The following EPHA6 variants were observed in gnomAD, a reference collection of about 807,000 sequenced individuals.
EPHA6 encodes EPH receptor A6, also known as ephrin type-A receptor 6.
In EPHA6, 50 loss-of-function variants were observed where a neutral mutation model predicts 112.0. The ratio of observed to expected loss-of-function variants is 0.45; its 90% CI spans 0.36 to 0.56. EPHA6 has a LOEUF of 0.56. EPHA6 is among the 20% of genes least tolerant of loss of function. The pLI is 0.00. For synonymous variants in EPHA6, 529 were observed against 490.7 expected (o/e 1.08, Z -1.03); for missense variants, 1,280 against 1,417.4 (o/e 0.90, Z 1.56).
chr3:97,307,747 A>T (rs540474916), intron 5 of EPHA6, among the ~76,000 whole-genome samples: 17 of 151,582 alleles, frequency 1.1e-4, no homozygotes, highest in African/African-American at 2.7e-4. Flanking sequence ...CAGACAAAAA[A>T]AAATATATAT....
At chr3:97,240,603 C>T (rs76184561) in intron 4 of EPHA6, among the ~76,000 whole-genome samples, 6,390 of 151,796 alleles carry the variant, frequency 0.042, 467 homozygotes, top group African/African-American at 0.15. Context: ...ATGGGTTTAA[C>T]ATATTTTTAT....
rs2093089168 is a variant in EPHA6 at position 97,555,274 on chromosome 3, G to T, written c.2386+22731G>T. Among the ~76,000 whole-genome samples, 3 of 151,984 alleles carry T rather than the reference G, an allele frequency of 2.0e-5. No individual in the cohort carries two copies. The South Asian group carries it at 6.2e-4, about 32-fold the overall frequency. On this transcript the variant is annotated intron_variant, in intron 11 of 17. Coordinates refer to ENST00000389672, the MANE Select transcript of EPHA6 (RefSeq NM_001080448.3). ...AGGACATGAACTCATCATTTTTATG[G>T]CTGCATAGTATTCCATGGTGTATAT...
At chr3:97,554,504 A>T (rs1429932674) in intron 11 of EPHA6, among the ~76,000 whole-genome samples, 1 of 152,104 alleles carries the variant, frequency 6.6e-6, no homozygotes, top group Non-Finnish European at 1.5e-5. Context: ...TAAGAAAGAA[A>T]CTTGTTTCTT....
chr3:97,105,536 TC>T, intron 3 of EPHA6, among the ~76,000 whole-genome samples: 1 of 152,268 alleles, frequency 6.6e-6, no homozygotes, highest in Admixed American at 6.5e-5. Flanking sequence ...CAATTTCAGT[TC>T]TTTTGCACTT....
chr3:97,081,123 A>G (rs2046707043), intron 3 of EPHA6, among the ~76,000 whole-genome samples: 1 of 151,826 alleles, frequency 6.6e-6, no homozygotes, highest in Non-Finnish European at 1.5e-5. Flanking sequence ...AATTGGCACT[A>G]AAAAGATGTA....
intron 3 of EPHA6, among the ~76,000 whole-genome samples, chr3:97,170,954 T>C (rs1186455253): frequency 6.6e-6 from 1 of 152,148 alleles, no homozygotes; most frequent in African/African-American, 2.4e-5. Flanking sequence ...TTTTGCATAT[T>C]GAATGTGTAT....
chr3:97,353,799 G>A (rs1270228824), intron 5 of EPHA6, among the ~76,000 whole-genome samples: 1 of 152,146 alleles, frequency 6.6e-6, no homozygotes, highest in Non-Finnish European at 1.5e-5. Flanking sequence ...GCCAGGCAAT[G>A]GCACCTGCAG....
chr3:97,754,074 A>C lies in EPHA6; in HGVS notation c.*5373A>C, dbSNP rs1272897485. Among the ~76,000 whole-genome samples, 1 of 150,488 alleles carries C rather than the reference A, an allele frequency of 6.6e-6. No individual in the cohort carries two copies. Among genetic ancestry groups the C allele is most frequent in the African/African-American group, 2.4e-5 (1 of 41,154 alleles). ...GTTTGTATAAAATGTATAAAAAATA[A>C]CATTTATATCTTTTTTTTTTTTTTT... is the stretch of plus-strand genomic sequence containing the variant. On this transcript the variant is annotated 3_prime_UTR_variant, in exon 18 of 18. Transcript: ENST00000389672.
intron 2 of EPHA6, among the ~76,000 whole-genome samples, chr3:96,920,641 T>G (rs1559832039): frequency 6.6e-6 from 1 of 151,646 alleles, no homozygotes; most frequent in African/African-American, 2.4e-5. Context: ...CCTGTAAGGA[T>G]TGTGTGTGTG....
chr3:97,463,374 C>T (rs2090954506), intron 7 of EPHA6, among the ~76,000 whole-genome samples: 4 of 151,998 alleles, frequency 2.6e-5, no homozygotes, highest in Admixed American at 2.6e-4. Flanking sequence ...TCTCTTCTTC[C>T]TAAGAGCATT....
chr3:97,453,966 G>A (rs2090602497), intron 7 of EPHA6, among the ~76,000 whole-genome samples: 2 of 151,604 alleles, frequency 1.3e-5, no homozygotes, highest in Admixed American at 6.6e-5. Context: ...CAAGATATTA[G>A]GTCCCCTCTA....
chr3:97,611,200 A>G (rs961381927), intron 13 of EPHA6, among the ~76,000 whole-genome samples: 1 of 151,818 alleles, frequency 6.6e-6, no homozygotes, highest in Non-Finnish European at 1.5e-5. Context: ...ACATTTAACT[A>G]TGTAGTATGA....
At chr3:97,554,303 A>G (rs1165888469) in intron 11 of EPHA6, among the ~76,000 whole-genome samples, 1 of 152,180 alleles carries the variant, frequency 6.6e-6, no homozygotes, top group African/African-American at 2.4e-5. Context: ...ACCCTTGTTA[A>G]TAATTCAGAG....
Position 97,646,166 on chromosome 3 carries a change from T to C in EPHA6, c.2784+8084T>C. The C allele has an allele frequency of 2.0e-6, 3 of 1,535,494 alleles. No individual in the cohort carries two copies. The South Asian group carries it at 3.6e-5, about 18-fold the overall frequency. ...AGCAATCAGAACTGGTTAAAGAAGATGGTCTGGAAAGCTTGTGTGAGCAGT... is the reference window on the plus strand; with the variant it reads ...AGCAATCAGAACTGGTTAAAGAAGACGGTCTGGAAAGCTTGTGTGAGCAGT... On this transcript the variant is annotated intron_variant, in intron 14 of 17. Transcript: ENST00000389672.
At chr3:97,390,549 A>C (rs1260285784) in intron 5 of EPHA6, among the ~76,000 whole-genome samples, 1 of 151,740 alleles carries the variant, frequency 6.6e-6, no homozygotes, top group Non-Finnish European at 1.5e-5. Flanking sequence ...TCATACACAC[A>C]CATATACATA....
In EPHA6 at chr3:97,343,349, T is replaced by C. The variant is rs376711846; in HGVS notation, c.1607-61801T>C. Among the ~76,000 whole-genome samples, 6 of 152,282 alleles carry C rather than the reference T, an allele frequency of 3.9e-5. No homozygotes were observed. In the East Asian group the frequency reaches 5.8e-4, roughly 15 times the overall value. On this transcript the variant is annotated intron_variant, in intron 5 of 17. Transcript: ENST00000389672. ...GTGAGGGATGAAGTTGGGTGTTTAATTGAGGAGATATCTAATTAAAGTGTT... is the reference window on the plus strand; with the variant it reads ...GTGAGGGATGAAGTTGGGTGTTTAACTGAGGAGATATCTAATTAAAGTGTT...
chr3:96,970,648 G>A (rs1576203880), intron 2 of EPHA6, among the ~76,000 whole-genome samples: 1 of 152,034 alleles, frequency 6.6e-6, no homozygotes, highest in Non-Finnish European at 1.5e-5. Flanking sequence ...AATCCCTGTT[G>A]TGGGAACATC....
intron 3 of EPHA6, among the ~76,000 whole-genome samples, chr3:97,011,222 A>C (rs1305888483): frequency 6.6e-6 from 1 of 152,204 alleles, no homozygotes; most frequent in Non-Finnish European, 1.5e-5. Context: ...GGTTGCATGG[A>C]AACTGTACAG....
chr3:97,152,622 G>A (rs1468897267), intron 3 of EPHA6, among the ~76,000 whole-genome samples: 2 of 152,026 alleles, frequency 1.3e-5, no homozygotes, highest in East Asian at 1.9e-4. Context: ...TGCTTTGACC[G>A]AGGATTCAGC....
Sources: gnomAD v4.1 joint callset for allele counts (sites outside exome capture counted in the v4.1 genomes callset) on GRCh38, gnomAD v4.1.1 for gene constraint, MANE v1.5 for transcripts, NCBI Gene and HGNC (gene_info 2026-07-23, HGNC 2026-07-21) for gene names.